Variants in CR1L observed in about 807,000 individuals in gnomAD.
CR1L encodes the protein complement C3b/C4b receptor 1 like.
CR1L carries 59 observed loss-of-function variants against 62.3 expected under a neutral mutation model. That is an observed-to-expected ratio of 0.95 (90% CI 0.77 to 1.18). The LOEUF (loss-of-function observed/expected upper bound fraction) is 1.18, where lower values mean the gene tolerates loss of function less well. Ranked by LOEUF, CR1L falls within the 50% of genes most tolerant of loss-of-function variation. The probability of loss-of-function intolerance (pLI) is 0.00; values close to 1 mark genes in which losing one functional copy is unlikely to be tolerated. For synonymous variants in CR1L, 279 were observed against 248.7 expected (o/e 1.12, Z -1.15); for missense variants, 700 against 702.8 (o/e 1.00, Z 0.04).
chr1:207,678,669 C>A (rs1360334772), intron 3 of CR1L, among the ~76,000 whole-genome samples: 5 of 152,304 alleles, frequency 3.3e-5, no homozygotes, highest in African/African-American at 1.2e-4. Context: ...ATGGTCATAG[C>A]ACAAATAGTT....
chr1:207,699,700 T>C (rs1168682915), intron 8 of CR1L, among the ~76,000 whole-genome samples: 5 of 152,170 alleles, frequency 3.3e-5, no homozygotes, highest in African/African-American at 9.6e-5. Context: ...TTTGTGTATA[T>C]ATTTGATAAT....
intron 7 of CR1L, among the ~76,000 whole-genome samples, chr1:207,698,951 G>T (rs1396019197): frequency 6.6e-6 from 1 of 152,164 alleles, no homozygotes; most frequent in Non-Finnish European, 1.5e-5. Context: ...TGGCTATTTT[G>T]TGACCACCTT....
At chr1:207,656,046 G>A (rs970907067) in intron 1 of CR1L, among the ~76,000 whole-genome samples, 1 of 152,160 alleles carries the variant, frequency 6.6e-6, no homozygotes, top group Non-Finnish European at 1.5e-5. Context: ...AGACCATCCT[G>A]TCTAATACCC....
At chr1:207,652,698 T>C in intron 1 of CR1L, 3 of 930,774 alleles carry the variant, frequency 3.2e-6, no homozygotes, top group Non-Finnish European at 3.6e-6. Context: ...GTGATCGGAA[T>C]CACACATGGC....
chr1:207,676,605 C>A (rs1159303722), intron 1 of CR1L, among the ~76,000 whole-genome samples: 1 of 152,138 alleles, frequency 6.6e-6, no homozygotes, highest in African/African-American at 2.4e-5. Flanking sequence ...GTCTCAGGTG[C>A]CAAAAAGATT....
chr1:207,699,892 G>A (rs1253744825), intron 8 of CR1L, among the ~76,000 whole-genome samples: 4 of 152,112 alleles, frequency 2.6e-5, no homozygotes, highest in African/African-American at 4.8e-5. Flanking sequence ...TAAATGCTAC[G>A]GATAATAGAT....
At chr1:207,710,800 G>A in intron 10 of CR1L, 9 of 1,555,560 alleles carry the variant, frequency 5.8e-6, no homozygotes, top group Non-Finnish European at 6.2e-6. Context: ...TTTGCCTGAG[G>A]CCTAGAAGGG....
chr1:207,712,626 G>C (rs1664376636), intron 10 of CR1L, among the ~76,000 whole-genome samples: 1 of 152,214 alleles, frequency 6.6e-6, no homozygotes, highest in Non-Finnish European at 1.5e-5. Flanking sequence ...TGTGAGCCCA[G>C]CTATGACCTC....
rs200512890 is a variant in CR1L, at chr1:207,704,347, AGATTTTT to A, written c.1328+2732_1328+2738del. Among the ~76,000 whole-genome samples, 615 of 152,374 alleles carry A rather than the reference AGATTTTT, an allele frequency of 4.0e-3. 9 individuals are homozygous for A. The East Asian group carries it at 0.046, about 11-fold the overall frequency. ...CTTCTTATGGATGAGCAGAGAAAGT[AGATTTTT>A]GAGGTGGAGTCTCTTCCTGGTGAAG... On this transcript the variant is annotated intron_variant, in intron 9 of 11. Transcript: ENST00000508064.
intron 7 of CR1L, 110 bp downstream of exon 7, chr1:207,697,983 C>A: frequency 1.4e-6 from 2 of 1,466,590 alleles, no homozygotes; most frequent in Non-Finnish European, 1.9e-6. Flanking sequence ...CAGACACACA[C>A]ACACACACAC....
intron 1 of CR1L, among the ~76,000 whole-genome samples, chr1:207,674,003 T>C (rs750209187): frequency 1.3e-5 from 2 of 152,202 alleles, no homozygotes; most frequent in African/African-American, 2.4e-5. Context: ...AAACAATTTG[T>C]ATATGTGCAG....
chr1:207,674,102 C>T (rs1034385230), intron 1 of CR1L, among the ~76,000 whole-genome samples: 23 of 152,070 alleles, frequency 1.5e-4, no homozygotes, highest in African/African-American at 5.1e-4. Context: ...AGGATATAAA[C>T]GAAGTGATTC....
At chr1:207,700,398 G>A (rs1369047842) in intron 8 of CR1L, among the ~76,000 whole-genome samples, 1 of 152,036 alleles carries the variant, frequency 6.6e-6, no homozygotes, top group South Asian at 2.1e-4. Context: ...CATAACTCTG[G>A]TAGTTAAAAT....
At chr1:207,704,549 G>T (rs1404458814) in intron 9 of CR1L, among the ~76,000 whole-genome samples, 1 of 152,204 alleles carries the variant, frequency 6.6e-6, no homozygotes, top group East Asian at 1.9e-4. Flanking sequence ...GTGAAAGGAA[G>T]AGTCAATGTG....
intron 1 of CR1L, among the ~76,000 whole-genome samples, chr1:207,667,184 C>T (rs137915762): frequency 4.4e-4 from 67 of 152,338 alleles, no homozygotes; most frequent in African/African-American, 1.6e-3. Context: ...GGCGCTATCC[C>T]TTCCCCACCC....
intron 3 of CR1L, among the ~76,000 whole-genome samples, chr1:207,680,206 G>C (rs375634259): frequency 6.6e-6 from 1 of 152,158 alleles, no homozygotes; most frequent in African/African-American, 2.4e-5. Flanking sequence ...CCATGTATAG[G>C]GGCAGGGAGT....
At chr1:207,661,120 T>A (rs1331637154) in intron 1 of CR1L, among the ~76,000 whole-genome samples, 1 of 152,258 alleles carries the variant, frequency 6.6e-6, no homozygotes, top group African/African-American at 2.4e-5. Context: ...ATGTATATTC[T>A]GTTGATTTGG....
intron 11 of CR1L, among the ~76,000 whole-genome samples, chr1:207,722,381 G>A (rs1284584637): frequency 1.6e-5 from 2 of 128,216 alleles, no homozygotes; most frequent in Non-Finnish European, 3.3e-5. Flanking sequence ...AAGGTGTGAG[G>A]AAGGGATCCA....
At chr1:207,683,450 C>T (rs545186114) in intron 3 of CR1L, among the ~76,000 whole-genome samples, 1 of 152,126 alleles carries the variant, frequency 6.6e-6, no homozygotes, top group Admixed American at 6.5e-5. Context: ...TTAGATGAAT[C>T]TTACTGATAA....
Sources: allele counts gnomAD v4.1 joint callset (sites outside exome capture counted in the v4.1 genomes callset), GRCh38; gene constraint gnomAD v4.1.1; transcripts MANE v1.5; gene names NCBI Gene and HGNC (gene_info 2026-07-23, HGNC 2026-07-21).